The following TAFA1 variants were observed in gnomAD, a reference collection of about 807,000 sequenced individuals.
The protein encoded by TAFA1 is chemokine-like protein TAFA-1.
Under a neutral mutation model 18.5 loss-of-function variants are expected in TAFA1, and 4 were observed. The ratio of observed to expected loss-of-function variants is 0.22; its 90% CI spans 0.11 to 0.49. TAFA1 has a LOEUF of 0.49. TAFA1 is among the 20% of genes least tolerant of loss of function. The pLI, the probability that TAFA1 is intolerant of heterozygous loss-of-function variation, is 0.98. For missense variants in TAFA1, 147 were observed against 169.0 expected, an observed-to-expected ratio of 0.87 and a Z score of 0.72; for synonymous variants, 56 against 55.2, an observed-to-expected ratio of 1.01 and a Z score of -0.06.
chr3:68,512,589 TAATC>T (rs1459157786), intron 3 of TAFA1, among the ~76,000 whole-genome samples: 3 of 152,094 alleles, frequency 2.0e-5, no homozygotes, highest in Non-Finnish European at 2.9e-5. Flanking sequence ...TTATCTTACT[TAATC>T]AGCACAACAT....
chr3:68,430,801 T>A (rs1463370683), intron 3 of TAFA1, among the ~76,000 whole-genome samples: 1 of 151,952 alleles, frequency 6.6e-6, no homozygotes, highest in East Asian at 1.9e-4. Flanking sequence ...ACAAAGAGTC[T>A]TCACAACTGC....
intron 2 of TAFA1, among the ~76,000 whole-genome samples, chr3:68,269,092 C>T (rs2067607638): frequency 6.6e-6 from 1 of 152,066 alleles, no homozygotes; most frequent in African/African-American, 2.4e-5. Flanking sequence ...CAAACTTTTG[C>T]TGAACTGTTT....
At chr3:68,110,988 A>T (rs2065255880) in intron 2 of TAFA1, among the ~76,000 whole-genome samples, 1 of 152,168 alleles carries the variant, frequency 6.6e-6, no homozygotes, top group South Asian at 2.1e-4. Flanking sequence ...GAGTTGTTTG[A>T]ATGCCCCCCT....
intron 3 of TAFA1, among the ~76,000 whole-genome samples, chr3:68,430,681 G>A (rs2071153021): frequency 6.6e-6 from 1 of 151,920 alleles, no homozygotes; most frequent in Non-Finnish European, 1.5e-5. Context: ...AGCAAAGCAA[G>A]TCAAATTGTC....
intron 2 of TAFA1, among the ~76,000 whole-genome samples, chr3:68,036,499 T>A (rs1352003959): frequency 6.7e-6 from 1 of 149,390 alleles, no homozygotes; most frequent in Non-Finnish European, 1.5e-5. Flanking sequence ...GAATAAAATA[T>A]ACAACAAAAA....
In TAFA1 at chr3:68,137,730, C is replaced by T. The variant is rs375356662; in HGVS notation, c.118+130986C>T. On this transcript the variant is annotated intron_variant, in intron 2 of 4. Coordinates refer to ENST00000478136, the MANE Select transcript of TAFA1 (RefSeq NM_213609.4). ...CTGTGGCCAGAAAGTGAACCATAAA[C>T]AGTAAATCACAAGAGGCCTGTAAGG... 5.9e-5 allele frequency among the ~76,000 whole-genome samples: 9 copies of T among 152,110 alleles called. No individual in the cohort carries two copies. In the East Asian group the frequency reaches 7.7e-4, roughly 13 times the overall value.
intron 2 of TAFA1, among the ~76,000 whole-genome samples, chr3:68,254,201 T>A (rs1367350592): frequency 1.4e-5 from 2 of 141,768 alleles, no homozygotes; most frequent in Non-Finnish European, 3.1e-5. Flanking sequence ...TGTCTATCCA[T>A]TGAGAAATGA....
chr3:68,457,658 T>A (rs1210339022), intron 3 of TAFA1, among the ~76,000 whole-genome samples: 1 of 152,206 alleles, frequency 6.6e-6, no homozygotes, highest in African/African-American at 2.4e-5. Flanking sequence ...TGAGAACACC[T>A]AAAATTTACT....
chr3:68,105,255 G>A (rs947632876), intron 2 of TAFA1, among the ~76,000 whole-genome samples: 1 of 152,054 alleles, frequency 6.6e-6, no homozygotes, highest in African/African-American at 2.4e-5. Context: ...ATTTGGAGGG[G>A]ACATTCAAAA....
intron 2 of TAFA1, among the ~76,000 whole-genome samples, chr3:68,406,076 G>A (rs904561827): frequency 2.0e-5 from 3 of 152,104 alleles, no homozygotes; most frequent in African/African-American, 4.8e-5. Context: ...AGGGCTTAGA[G>A]GTTACAACTT....
At position 68,245,627 on chromosome 3, in the gene TAFA1, T is replaced by G. The variant is rs1415317851; in HGVS notation, c.119-171653T>G. On this transcript the variant is annotated intron_variant, in intron 2 of 4. Coordinates refer to ENST00000478136, the MANE Select transcript of TAFA1 (RefSeq NM_213609.4). ...AGTTCCATTTTCTTTCATAAACATT[T>G]GATACTTTGGTCACCTTTAGCAAAT... Among the ~76,000 whole-genome samples, 5 of 152,324 alleles carry G rather than the reference T, an allele frequency of 3.3e-5. No individual in the cohort carries two copies. The East Asian group carries it at 5.8e-4, about 18-fold the overall frequency.
At chr3:68,486,655 A>G (rs1037710117) in intron 3 of TAFA1, among the ~76,000 whole-genome samples, 1 of 152,270 alleles carries the variant, frequency 6.6e-6, no homozygotes, top group Non-Finnish European at 1.5e-5. Flanking sequence ...TACAAGACAT[A>G]TAGCAAAGCA....
chr3:68,447,671 A>G (rs1260456933), intron 3 of TAFA1, among the ~76,000 whole-genome samples: 1 of 152,312 alleles, frequency 6.6e-6, no homozygotes, highest in East Asian at 1.9e-4. Flanking sequence ...ACTAAAAACC[A>G]TAGGAAGCAA....
At chr3:68,500,720 T>C (rs1469142081) in intron 3 of TAFA1, among the ~76,000 whole-genome samples, 1 of 151,814 alleles carries the variant, frequency 6.6e-6, no homozygotes, top group African/African-American at 2.4e-5. Flanking sequence ...AAAAAAAAGT[T>C]TGCCTATTCC....
At chr3:68,322,227 A>G (rs1396817022) in intron 2 of TAFA1, among the ~76,000 whole-genome samples, 3 of 152,244 alleles carry the variant, frequency 2.0e-5, no homozygotes, top group Non-Finnish European at 4.4e-5. Flanking sequence ...ATTTTGCTTC[A>G]AGCTCCATAA....
chr3:68,382,160 G>A (rs1204073190), intron 2 of TAFA1, among the ~76,000 whole-genome samples: 1 of 152,146 alleles, frequency 6.6e-6, no homozygotes, highest in Non-Finnish European at 1.5e-5. Context: ...GCTTTTTGAT[G>A]TGCTGCTGGA....
chr3:68,097,898 T>C (rs115073798), intron 2 of TAFA1, among the ~76,000 whole-genome samples: 111 of 152,214 alleles, frequency 7.3e-4, no homozygotes, highest in African/African-American at 2.6e-3. Flanking sequence ...CACAATAAAA[T>C]ATGGCCCCCA....
intron 3 of TAFA1, among the ~76,000 whole-genome samples, chr3:68,515,529 G>C (rs1352453060): frequency 6.6e-6 from 1 of 152,176 alleles, no homozygotes; most frequent in Non-Finnish European, 1.5e-5. Context: ...GAAAATTAAA[G>C]TATTGTTCCC....
chr3:68,225,851 T>C (rs1287503287), intron 2 of TAFA1, among the ~76,000 whole-genome samples: 1 of 151,254 alleles, frequency 6.6e-6, no homozygotes, highest in Non-Finnish European at 1.5e-5. Flanking sequence ...AATGAAGCAA[T>C]AACAATATCT....
Sources: allele counts gnomAD v4.1 joint callset (sites outside exome capture counted in the v4.1 genomes callset), GRCh38; gene constraint gnomAD v4.1.1; transcripts MANE v1.5; gene names NCBI Gene and HGNC (gene_info 2026-07-23, HGNC 2026-07-21).